Variants in UNC13C observed in about 807,000 individuals in gnomAD.
The protein encoded by UNC13C is unc-13 homolog C.
A neutral mutation model predicts 245.4 loss-of-function variants in UNC13C; 174 were observed. The ratio of observed to expected loss-of-function variants is 0.71; its 90% CI spans 0.63 to 0.80. The LOEUF is 0.80. Ranked by LOEUF, UNC13C falls within the 30% of genes least tolerant of loss-of-function variation. The pLI is 0.00. For missense variants in UNC13C, 2,829 were observed against 2,602.9 expected, an observed-to-expected ratio of 1.09 and a Z score of -1.89; for synonymous variants, 992 against 895.1, an observed-to-expected ratio of 1.11 and a Z score of -1.93.
At chr15:54,598,402 C>A (rs1261041218) in intron 30 of UNC13C, among the ~76,000 whole-genome samples, 1 of 152,122 alleles carries the variant, frequency 6.6e-6, no homozygotes, top group Admixed American at 6.5e-5. Flanking sequence ...GCCTGAAGGT[C>A]CTTTTTTTAA....
chr15:54,589,283 C>CTTA lies in UNC13C; in HGVS notation c.6106+21338_6106+21339insATT, dbSNP rs1220558286. 2.6e-4 allele frequency among the ~76,000 whole-genome samples: 25 copies of CTTA among 94,614 alleles called. No homozygotes were observed. In the East Asian group the frequency reaches 3.3e-3, roughly 13 times the overall value. The allele number at this position is 94,614 out of a possible 152,430, so 62.1% of individuals were successfully genotyped here. A position where few individuals can be genotyped will look rare whatever the true frequency, so the allele number is the denominator to read the frequency against. The stretch of plus-strand genomic sequence containing the variant: ...TTGTTAGCCATTTGTATATCTTCTT[C>CTTA]TTCTTCTTTTTTTTTTTTTTTTTTT... On this transcript the variant is annotated intron_variant, in intron 30 of 32. Coordinates refer to ENST00000260323, the MANE Select transcript of UNC13C (RefSeq NM_001080534.3).
intron 30 of UNC13C, among the ~76,000 whole-genome samples, chr15:54,589,793 CTTTATTTTAGTTAGGTCCCAGCTA>C (rs1403308513): frequency 6.6e-6 from 1 of 152,030 alleles, no homozygotes; most frequent in East Asian, 1.9e-4. Context: ...TGCAGAAGCT[CTTTATTTTAGTTAGGTCCCAGCTA>C]TTTATCTTTG....
chr15:54,115,067 T>C (rs2030135276), intron 2 of UNC13C, among the ~76,000 whole-genome samples: 1 of 152,144 alleles, frequency 6.6e-6, no homozygotes, highest in South Asian at 2.1e-4. Flanking sequence ...TGCTCTATGT[T>C]CTGGAAATAT....
chr15:54,502,067 A>C (rs1487056354), intron 22 of UNC13C, among the ~76,000 whole-genome samples: 1 of 152,216 alleles, frequency 6.6e-6, no homozygotes, highest in Non-Finnish European at 1.5e-5. Flanking sequence ...GAAACTACTT[A>C]CACAGTTCTA....
At chr15:54,186,836 A>ATAT (rs1567079825) in intron 4 of UNC13C, among the ~76,000 whole-genome samples, 3 of 126,126 alleles carry the variant, frequency 2.4e-5, no homozygotes, top group Admixed American at 7.6e-5. Context: ...CAAAGAACAT[A>ATAT]ATATATATGT....
At chr15:54,451,609 G>T (rs555376693) in intron 19 of UNC13C, among the ~76,000 whole-genome samples, 3 of 151,830 alleles carry the variant, frequency 2.0e-5, no homozygotes, top group African/African-American at 7.2e-5. Flanking sequence ...GGATATTTTG[G>T]TTATTTTATA....
intron 4 of UNC13C, among the ~76,000 whole-genome samples, chr15:54,227,184 G>C (rs1454576887): frequency 3.3e-5 from 5 of 152,104 alleles, no homozygotes; most frequent in Admixed American, 1.3e-4. Flanking sequence ...TCTTATTTCT[G>C]TTTAAGTCTG....
chr15:53,924,498 A>G, the UNC13C span, among the ~76,000 whole-genome samples: 1 of 152,246 alleles, frequency 6.6e-6, no homozygotes, highest in South Asian at 2.1e-4. Context: ...TGAATTAAGG[A>G]AATAATGACA....
At chr15:54,125,975 G>A (rs568231053) in intron 2 of UNC13C, among the ~76,000 whole-genome samples, 7 of 151,910 alleles carry the variant, frequency 4.6e-5, no homozygotes, top group East Asian at 1.9e-4. Flanking sequence ...AATACAATAC[G>A]TACAGTAACC....
chr15:53,992,665 C>T (rs1445637278), intron 1 of UNC13C, among the ~76,000 whole-genome samples: 1 of 152,040 alleles, frequency 6.6e-6, no homozygotes, highest in East Asian at 1.9e-4. Context: ...GAGAATTCAA[C>T]CTTCTCTAGA....
chr15:54,044,822 A>G (rs1896960870), intron 2 of UNC13C, among the ~76,000 whole-genome samples: 1 of 152,212 alleles, frequency 6.6e-6, no homozygotes, highest in Non-Finnish European at 1.5e-5. Context: ...CCTTTCTCTA[A>G]TTACTAAGGG....
chr15:54,396,875 A>T (rs1426716569), intron 18 of UNC13C, among the ~76,000 whole-genome samples: 1 of 150,760 alleles, frequency 6.6e-6, no homozygotes, highest in African/African-American at 2.4e-5. Context: ...TAGGATGTTT[A>T]TCTTATTATT....
At chr15:53,882,519 T>C in the UNC13C span, among the ~76,000 whole-genome samples, 1 of 152,238 alleles carries the variant, frequency 6.6e-6, no homozygotes, top group Non-Finnish European at 1.5e-5. Flanking sequence ...TTACTCACAT[T>C]GGCAAGCCTT....
intron 17 of UNC13C, among the ~76,000 whole-genome samples, chr15:54,383,090 G>A (rs2039762502): frequency 6.6e-6 from 1 of 152,102 alleles, no homozygotes; most frequent in South Asian, 2.1e-4. Flanking sequence ...GGACAGGATG[G>A]ATTCAATGCA....
intron 29 of UNC13C, among the ~76,000 whole-genome samples, chr15:54,562,748 A>G (rs998725930): frequency 2.6e-5 from 4 of 152,030 alleles, no homozygotes; most frequent in African/African-American, 9.7e-5. Flanking sequence ...ATATCATCTG[A>G]AGCTGTTTAT....
intron 1 of UNC13C, among the ~76,000 whole-genome samples, chr15:54,004,918 G>A (rs552852090): frequency 1.2e-4 from 19 of 152,108 alleles, no homozygotes; most frequent in African/African-American, 3.1e-4. Context: ...ATCCCTTGTC[G>A]GATGGGTAGT....
intron 19 of UNC13C, among the ~76,000 whole-genome samples, chr15:54,423,557 A>G (rs2140963786): frequency 6.6e-6 from 1 of 151,988 alleles, no homozygotes; most frequent in East Asian, 1.9e-4. Flanking sequence ...TCTTCAAACA[A>G]ATTAAGATAT....
At chr15:54,491,645 C>T (rs1057023571) in intron 19 of UNC13C, among the ~76,000 whole-genome samples, 2 of 152,090 alleles carry the variant, frequency 1.3e-5, no homozygotes, top group Non-Finnish European at 2.9e-5. Context: ...TGGTGCCAAA[C>T]AAACAATACC....
In UNC13C at chr15:54,321,946, T is replaced by A; in HGVS notation, c.4276T>A (p.Ser1426Thr). The A allele has an allele frequency of 6.4e-7, 1 of 1,571,744 alleles. No individual in the cohort carries two copies. The highest frequency in any genetic ancestry group is 8.6e-7 in the Non-Finnish European group (1 of 1,157,556). Residue 1426 changes from serine to threonine, a missense_variant, in exon 14 of 33, where the codon TCA (serine) becomes ACA (threonine). By Grantham distance (58) the Ser-to-Thr change is moderately conservative. Coordinates refer to ENST00000260323, the MANE Select transcript of UNC13C (RefSeq NM_001080534.3). ...ESIYQAMTHF[S>T]CLSSKYMCPG... ...ATGTTTTTTGTCTTTCAGGCACTTT[T>A]CATGTCTGTCTTCTAAATACATGTG...
Sources: gnomAD v4.1 joint callset for allele counts (sites outside exome capture counted in the v4.1 genomes callset) on GRCh38, gnomAD v4.1.1 for gene constraint, MANE v1.5 for transcripts, NCBI Gene and HGNC (gene_info 2026-07-23, HGNC 2026-07-21) for gene names.